The following LY96 variants were observed in gnomAD, a reference collection of about 807,000 sequenced individuals.
LY96 encodes lymphocyte antigen 96, also known as myeloid differentiation protein-2.
LY96 carries 18 observed loss-of-function variants against 18.9 expected under a neutral mutation model. That is an observed-to-expected ratio of 0.95 (90% CI 0.66 to 1.41). The LOEUF (loss-of-function observed/expected upper bound fraction) is 1.41. Ranked by LOEUF, LY96 falls within the 40% of genes most tolerant of loss-of-function variation. The pLI is 0.00. For missense variants in LY96, 175 were observed against 182.4 expected, an observed-to-expected ratio of 0.96 and a Z score of 0.23; for synonymous variants, 66 against 62.6, an observed-to-expected ratio of 1.06 and a Z score of -0.26.
chr8:74,009,940 T>C (rs1816495090), intron 2 of LY96, 61 bp from the exon 3 acceptor site: 5 of 1,221,760 alleles, frequency 4.1e-6, no homozygotes, highest in East Asian at 2.3e-5. Flanking sequence ...CAATAAATGT[T>C]AATTACTATG....
the LY96 span, among the ~76,000 whole-genome samples, chr8:74,042,505 C>T: frequency 3.3e-5 from 5 of 151,822 alleles, no homozygotes; most frequent in African/African-American, 4.8e-5. Context: ...GTGACAAAAG[C>T]GAAACTCCAT....
intron 3 of LY96, among the ~76,000 whole-genome samples, chr8:74,017,036 T>C (rs1045488372): frequency 1.3e-5 from 2 of 152,174 alleles, no homozygotes; most frequent in African/African-American, 4.8e-5. Flanking sequence ...GGAACAAAGC[T>C]GGATGGAGAA....
chr8:74,075,368 T>C, the LY96 span, among the ~76,000 whole-genome samples: 2 of 152,262 alleles, frequency 1.3e-5, no homozygotes, highest in Non-Finnish European at 2.9e-5. Context: ...CCTTCTGGGC[T>C]GAAGCGATCT....
intron 1 of LY96, among the ~76,000 whole-genome samples, chr8:73,998,817 TTC>T (rs1816203682): frequency 6.6e-6 from 1 of 152,214 alleles, no homozygotes; most frequent in African/African-American, 2.4e-5. Context: ...AGGGATATCT[TTC>T]TGTTTCTTTT....
chr8:73,991,594 A>C (rs748172076), intron 1 of LY96, 40 bp downstream of exon 1: 27 of 1,193,020 alleles, frequency 2.3e-5, no homozygotes, highest in Non-Finnish European at 3.1e-5. Context: ...AGCATCAACT[A>C]TTTTGAGGGT....
intron 1 of LY96, among the ~76,000 whole-genome samples, chr8:73,995,626 G>A (rs971267872): frequency 6.6e-6 from 1 of 152,120 alleles, no homozygotes; most frequent in Non-Finnish European, 1.5e-5. Context: ...TATTCTCCCA[G>A]TTTTGGAAAA....
intron 4 of LY96, among the ~76,000 whole-genome samples, chr8:74,027,149 A>G (rs1252602934): frequency 2.0e-5 from 3 of 152,154 alleles, no homozygotes; most frequent in Middle Eastern, 3.4e-3. Context: ...CATGTTGCCC[A>G]GGTTGGTCTT....
intron 1 of LY96, among the ~76,000 whole-genome samples, chr8:73,997,218 A>G (rs549114496): frequency 2.6e-5 from 4 of 152,216 alleles, no homozygotes; most frequent in East Asian, 1.9e-4. Flanking sequence ...TTAGGCCCCA[A>G]ACCAGAAGTA....
At chr8:74,056,465 G>C in the LY96 span, 1 of 179,930 alleles carries the variant, frequency 5.6e-6, no homozygotes, top group South Asian at 1.0e-4. Context: ...TGCCAGTCTA[G>C]TTACCCTGTC....
At chr8:74,015,930 G>C (rs189198688) in intron 3 of LY96, among the ~76,000 whole-genome samples, 294 of 152,350 alleles carry the variant, frequency 1.9e-3, no homozygotes, top group African/African-American at 6.4e-3. Context: ...CCAGTCTGCA[G>C]CTCCCAGCGT....
chr8:74,024,766 A>G (rs542885940), intron 3 of LY96, among the ~76,000 whole-genome samples: 1 of 152,088 alleles, frequency 6.6e-6, no homozygotes, highest in Non-Finnish European at 1.5e-5. Context: ...TTGTATTTGG[A>G]ATGGTTTCTT....
the LY96 span, among the ~76,000 whole-genome samples, chr8:74,079,276 C>T: frequency 6.6e-6 from 1 of 152,226 alleles, no homozygotes; most frequent in African/African-American, 2.4e-5. Context: ...GGGCCTTCAG[C>T]TTGCAGATGC....
intron 3 of LY96, among the ~76,000 whole-genome samples, chr8:74,021,113 TG>T (rs1816748764): frequency 6.6e-6 from 1 of 152,076 alleles, no homozygotes; most frequent in Non-Finnish European, 1.5e-5. Context: ...CAAAAGAAAC[TG>T]TCATCAGATT....
the LY96 span, among the ~76,000 whole-genome samples, chr8:74,039,109 A>G: frequency 2.0e-5 from 3 of 152,200 alleles, no homozygotes; most frequent in African/African-American, 7.2e-5. Context: ...TTTGATTTGC[A>G]TTTCTCTGAT....
chr8:74,015,494 G>T (rs1289051781), intron 3 of LY96, among the ~76,000 whole-genome samples: 1 of 152,102 alleles, frequency 6.6e-6, no homozygotes, highest in Non-Finnish European at 1.5e-5. Context: ...TCCTATGTTT[G>T]TCTATCTCAG....
At chr8:74,032,587 CGG>C (rs1816988287), downstream of LY96, among the ~76,000 whole-genome samples, 1 of 152,182 alleles carries the variant, frequency 6.6e-6, no homozygotes, top group Non-Finnish European at 1.5e-5. Context: ...ATTGCTCAGT[CGG>C]AGAGCTCGGT....
intron 3 of LY96, among the ~76,000 whole-genome samples, chr8:74,024,110 A>G (rs1490525440): frequency 1.3e-5 from 2 of 152,204 alleles, no homozygotes; most frequent in East Asian, 3.9e-4. Context: ...TTTTACACCA[A>G]CCTAATAGTT....
intron 3 of LY96, among the ~76,000 whole-genome samples, chr8:74,016,610 A>T (rs1816647571): frequency 6.6e-6 from 1 of 152,214 alleles, no homozygotes; most frequent in Admixed American, 6.5e-5. Context: ...ACCTCCTAGT[A>T]GGGGCTTACT....
intron 3 of LY96, among the ~76,000 whole-genome samples, chr8:74,024,002 C>G (rs1197951714): frequency 6.6e-6 from 1 of 152,148 alleles, no homozygotes; most frequent in African/African-American, 2.4e-5. Context: ...TTTGAATAAG[C>G]AGCCTCATAT....
Sources: gnomAD v4.1 joint callset for allele counts (sites outside exome capture counted in the v4.1 genomes callset) on GRCh38, gnomAD v4.1.1 for gene constraint, MANE v1.5 for transcripts, NCBI Gene and HGNC (gene_info 2026-07-23, HGNC 2026-07-21) for gene names.